SBF1: variants seen among roughly 807,000 people sequenced by gnomAD.
SBF1 encodes the protein myotubularin-related protein 5.
Under a neutral mutation model 215.8 loss-of-function variants are expected in SBF1, and 65 were observed. That is an observed-to-expected ratio of 0.30 (90% CI 0.25 to 0.37). SBF1 has a LOEUF of 0.37. SBF1 is among the 10% of genes least tolerant of loss of function. The pLI is 1.00. For synonymous variants in SBF1, 1,410 were observed against 1,122.8 expected (o/e 1.26, Z -5.11); for missense variants, 2,634 against 2,667.8 (o/e 0.99, Z 0.28).
chr22:50,455,456 C>T, intron 32 of SBF1, 25 bp downstream of exon 32: 1 of 1,612,160 alleles, frequency 6.2e-7, no homozygotes. Context: ...GAGCCTGGCC[C>T]ACCCCAGCCC....
In SBF1 at chr22:50,454,580, G is replaced by A. The variant is rs748396110; in HGVS notation, c.4975C>T (p.Arg1659Cys). ...CTGTCGTAACAGGGCCACACCACGC[G>A]GCGCCTGCTCTGGGGAGCGCCTCCA... ...SDGGAPQSRRRVVWPCYDSCP... is the reference protein window; with the variant it reads ...SDGGAPQSRRCVVWPCYDSCP... The change falls in exon 36 of 41, where the codon CGC (arginine) becomes TGC (cysteine). Residue 1659 changes from arginine (R) to cysteine (C), a missense_variant. By Grantham distance (180) the Arg-to-Cys change is radical (BLOSUM62 -3). Transcript: ENST00000380817. 8.1e-5 allele frequency: 130 copies of A among 1,611,630 alleles called. 1 individual carries two copies. The highest frequency in any genetic ancestry group is 9.7e-5 in the Non-Finnish European group (114 of 1,179,608).
intron 28 of SBF1, 181 bp from the exon 29 acceptor site, chr22:50,457,292 G>A: frequency 4.1e-6 from 2 of 484,416 alleles, no homozygotes; most frequent in South Asian, 3.8e-5. Context: ...GGGCCTCTCT[G>A]CCAGGGCAGG....
Position 50,460,362 on chromosome 22 carries a change from G to A in SBF1, c.3193C>T (p.Arg1065Trp), listed in dbSNP as rs1286512146. 7 of 1,613,408 alleles carry A rather than the reference G, an allele frequency of 4.3e-6. No individual in the cohort carries two copies. The highest frequency in any genetic ancestry group is 4.2e-6 in the Non-Finnish European group (5 of 1,179,548). ...TACTTCTTGCGAGTGACATGCTGCC[G>A]CCCGATGGTCTTCTTGGCGTTCTTG... Reference protein sequence around the residue: ...LVKNAKKTIGRQHVTRKKYNP... With the variant: ...LVKNAKKTIGWQHVTRKKYNP... The change falls in exon 25 of 41, where the codon CGG becomes TGG. Residue 1065 changes from arginine (R) to tryptophan (W), a missense_variant. Physicochemically the swap from Arg to Trp is moderately radical, Grantham distance 101. Transcript: ENST00000380817.
Position 50,455,599 on chromosome 22 carries a change from C to T in SBF1, c.4267-17G>A. ...CTTGTGGATCTGCAGGGACAGGCGGCCTCAGCACCTCGGGGACCCACCGCC... is the reference window on the plus strand; with the variant it reads ...CTTGTGGATCTGCAGGGACAGGCGGTCTCAGCACCTCGGGGACCCACCGCC... On this transcript the variant is annotated splice_polypyrimidine_tract_variant and intron_variant, in intron 31 of 40. Coordinates refer to ENST00000380817, the MANE Select transcript of SBF1 (RefSeq NM_002972.4). The T allele has an allele frequency of 6.4e-7, 1 of 1,554,518 alleles. No individual in the cohort carries two copies. Among genetic ancestry groups the T allele is most frequent in the Non-Finnish European group, 8.7e-7 (1 of 1,148,374 alleles).
rs1226176027 is a variant in SBF1 at position 50,456,360 on chromosome 22, C to T, written c.4122G>A (p.Leu1374=). The T allele has an allele frequency of 6.2e-7, 1 of 1,613,274 alleles. No homozygotes were observed. Among genetic ancestry groups the T allele is most frequent in the South Asian group, 1.1e-5 (1 of 91,066 alleles). Residue 1374 remains leucine, a synonymous_variant, in exon 31 of 41, where the codon CTG becomes CTA. Transcript: ENST00000380817. ...VRSDPLQQWE[L]VPIEVFEARQ... is the part of the protein sequence containing the mutation. ...GTGCCTCGAATACCTCAATGGGCAC[C>T]AGCTCCCACTGCTGCAGGGGGTCTG... is the stretch of plus-strand genomic sequence containing the variant.
At chr22:50,469,438 G>A (rs1175593254) in intron 1 of SBF1, among the ~76,000 whole-genome samples, 5 of 152,224 alleles carry the variant, frequency 3.3e-5, no homozygotes, top group African/African-American at 1.2e-4. Context: ...GTGGGGTAAA[G>A]GTCCCTGCCT....
At chr22:50,468,062 C>A in intron 2 of SBF1, 139 bp from the exon 3 acceptor site, 1 of 1,101,766 alleles carries the variant, frequency 9.1e-7, no homozygotes, top group Non-Finnish European at 1.3e-6. Flanking sequence ...CCTGGGGACA[C>A]GTGGCCTCCT....
chr22:50,460,092 G>A lies in SBF1; in HGVS notation c.3351C>T (p.Thr1117=). The A allele has an allele frequency of 4.3e-6, 7 of 1,613,776 alleles. No homozygotes were observed. Among genetic ancestry groups the A allele is most frequent in the Non-Finnish European group, 5.9e-6 (7 of 1,179,990 alleles). ...AAGCCCTTTCCACCAGGCTGCTCATGGTCATGCGGTCGGAGGGCTTCAGGG... is the reference window on the plus strand; with the variant it reads ...AAGCCCTTTCCACCAGGCTGCTCATAGTCATGCGGTCGGAGGGCTTCAGGG... ...SSALKPSDRM[T]MSSLVERACC... is the part of the protein sequence containing the mutation. Residue 1117 remains threonine, a synonymous_variant, in exon 26 of 41, where the codon ACC becomes ACT. Transcript: ENST00000380817.
chr22:50,460,217 C>T (rs1393348067), intron 25 of SBF1, 55 bp downstream of exon 25: 2 of 1,602,316 alleles, frequency 1.2e-6, no homozygotes, highest in African/African-American at 2.7e-5. Context: ...CCTGATCCTC[C>T]CTGGCCAATG....
At chr22:50,449,057 A>G (rs2066943486) in intron 36 of SBF1, among the ~76,000 whole-genome samples, 2 of 152,064 alleles carry the variant, frequency 1.3e-5, no homozygotes, top group Non-Finnish European at 2.9e-5. Context: ...AAGTTAGCCC[A>G]GCATGGTGGC....
chr22:50,455,843 G>A (rs535748411), intron 31 of SBF1: 10 of 515,238 alleles, frequency 1.9e-5, no homozygotes, highest in African/African-American at 6.6e-5. Flanking sequence ...TCAAGATGCC[G>A]GTGGCCCTAC....
At chr22:50,451,093 G>C (rs1032404050) in intron 36 of SBF1, among the ~76,000 whole-genome samples, 1 of 148,906 alleles carries the variant, frequency 6.7e-6, no homozygotes, top group Non-Finnish European at 1.5e-5. Flanking sequence ...ACTTTAGGAG[G>C]CCAAGGTGAG....
At chr22:50,447,979 G>A (rs2066899991) in intron 38 of SBF1, among the ~76,000 whole-genome samples, 1 of 152,234 alleles carries the variant, frequency 6.6e-6, no homozygotes, top group Admixed American at 6.5e-5. Context: ...CACGGCAGCA[G>A]CTGCCTGGGA....
At chr22:50,456,884 G>A (rs1054109283) in intron 29 of SBF1, 150 bp downstream of exon 29, 47 of 738,322 alleles carry the variant, frequency 6.4e-5, no homozygotes, top group East Asian at 5.7e-4. Flanking sequence ...CAGGACTCAC[G>A]GGTCAGGGAG....
Position 50,462,713 on chromosome 22 carries a change from A to G in SBF1, c.1973T>C (p.Leu658Pro). 3 of 1,611,350 alleles carry G rather than the reference A, an allele frequency of 1.9e-6. No individual in the cohort carries two copies. The highest frequency in any genetic ancestry group is 2.5e-6 in the Non-Finnish European group (3 of 1,179,110). ...LPLVTAFCRK[L>P]SPGVTQFAYS... Reference sequence around the variant, plus strand: ...TGCAAACTGCGTCACCCCCGGGCTCAGCTTCTGCAGGAGCCAGGGGAGAAG... The same window carrying G: ...TGCAAACTGCGTCACCCCCGGGCTCGGCTTCTGCAGGAGCCAGGGGAGAAG... The change falls in exon 18 of 41, where the codon CTG becomes CCG. Residue 658 changes from leucine to proline, a missense_variant. Leu to Pro is a moderately conservative substitution (Grantham distance 98, BLOSUM62 -3). Coordinates refer to ENST00000380817, the MANE Select transcript of SBF1 (RefSeq NM_002972.4).
intron 5 of SBF1, chr22:50,467,005 C>G (rs1297759032): frequency 1.8e-6 from 1 of 562,440 alleles, no homozygotes; most frequent in Non-Finnish European, 3.1e-6. Flanking sequence ...AGTCCAGCTG[C>G]ACAGGACAGA....
Position 50,457,044 on chromosome 22 carries a change from G to A in SBF1, c.3894C>T (p.Thr1298=), listed in dbSNP as rs764865852. The stretch of plus-strand genomic sequence containing the variant: ...GGCTCGGTACGGTACCTCGGGGTGC[G>A]GTCCGTCTGGAGGCCGAGGCCGCCA... The part of the protein sequence containing the change: ...NPMAASASRR[T]APRGKWGSVR... Residue 1298 remains threonine (T), a synonymous_variant, in exon 29 of 41, where the codon ACC becomes ACT. Transcript: ENST00000380817. The A allele has an allele frequency of 6.0e-5, 87 of 1,446,720 alleles. No individual in the cohort carries two copies. The South Asian group carries it at 1.2e-3, about 20-fold the overall frequency. 89.6% of individuals were successfully genotyped at this position (1,446,720 alleles called of 1,614,324 possible).
chr22:50,456,072 A>G (rs917084796), intron 31 of SBF1, 144 bp downstream of exon 31: 2 of 888,116 alleles, frequency 2.3e-6, no homozygotes, highest in Non-Finnish European at 3.3e-6. Flanking sequence ...TCTAGGCACC[A>G]GAGCCTGGGT....
chr22:50,474,687 C>T (rs2068114390), intron 1 of SBF1, 99 bp downstream of exon 1: 4 of 1,020,650 alleles, frequency 3.9e-6, no homozygotes, highest in African/African-American at 3.5e-5. Flanking sequence ...CCCCAGCCCT[C>T]GGCCCCCAGC....
Sources: allele counts gnomAD v4.1 joint callset (sites outside exome capture counted in the v4.1 genomes callset), GRCh38; gene constraint gnomAD v4.1.1; transcripts MANE v1.5; gene names NCBI Gene and HGNC (gene_info 2026-07-23, HGNC 2026-07-21).